The following PDIA6 variants were observed in gnomAD, a reference collection of about 807,000 sequenced individuals.
PDIA6 encodes the protein protein disulfide isomerase family A member 6, also known as protein disulfide-isomerase A6.
PDIA6 carries 29 observed loss-of-function variants against 58.4 expected under a neutral mutation model. The ratio of observed to expected loss-of-function variants is 0.50; its 90% CI spans 0.37 to 0.68. The LOEUF is 0.68. Among genes scored for constraint, PDIA6 ranks in the 30% least tolerant of loss-of-function variants. PDIA6 has a pLI of 0.00. For missense variants in PDIA6, 480 were observed against 551.0 expected (o/e 0.87, Z 1.29); for synonymous variants, 192 against 202.6 (o/e 0.95, Z 0.44).
rs113104675 is a variant in PDIA6 at position 10,787,475 on chromosome 2, CTT to C, written c.999-38_999-37del. On this transcript the variant is annotated intron_variant, in intron 10 of 12. Transcript: ENST00000272227. ...AGACTGGTTTTTAGGGCAAATATGT[CTT>C]TTAAATTGCTTACGATCTAACTAGA... 5,145 of 1,579,870 alleles carry C rather than the reference CTT, an allele frequency of 3.3e-3. 158 individuals carry two copies. The African/African-American group carries it at 0.062, about 19-fold the overall frequency.
At chr2:10,836,992 T>A (rs1475153776), upstream of PDIA6, among the ~76,000 whole-genome samples, 2 of 152,182 alleles carry the variant, frequency 1.3e-5, no homozygotes, top group African/African-American at 4.8e-5. Flanking sequence ...TTCTCATTCA[T>A]GATGGTTAAC....
intron 11 of PDIA6, among the ~76,000 whole-genome samples, chr2:10,786,318 T>C (rs6432145): frequency 0.4 from 54,976 of 136,836 alleles, 10,571 homozygotes; most frequent in African/African-American, 0.54. Flanking sequence ...GTCTCGGGGG[T>C]GGGGGGGAAA....
At chr2:10,816,173 C>T (rs1461803481), upstream of PDIA6, among the ~76,000 whole-genome samples, 1 of 139,984 alleles carries the variant, frequency 7.1e-6, no homozygotes, top group Non-Finnish European at 1.5e-5. Flanking sequence ...ACCTTTGCCT[C>T]CCGGGTTCAA....
chr2:10,832,451 CAGG>C (rs2148584893), exon 1 of PDIA6: 1 of 985,434 alleles, frequency 1.0e-6, no homozygotes, highest in Admixed American at 6.1e-5. Flanking sequence ...AGCACGAGGC[CAGG>C]AGACCTAACC....
At chr2:10,798,564 TC>T (rs376683142) in intron 2 of PDIA6, among the ~76,000 whole-genome samples, 1 of 72,712 alleles carries the variant, frequency 1.4e-5, no homozygotes, top group Admixed American at 1.7e-4. Flanking sequence ...CAAGACTCTG[TC>T]CCCCACCCAA....
At chr2:10,786,940 A>T (rs1180634071) in intron 11 of PDIA6, among the ~76,000 whole-genome samples, 1 of 152,226 alleles carries the variant, frequency 6.6e-6, no homozygotes, top group Non-Finnish European at 1.5e-5. Context: ...ATTACAATGC[A>T]TATGAGGGTG....
rs1182365102 is a variant in PDIA6 at position 10,783,998 on chromosome 2, G to C, written c.*260C>G. On this transcript the variant is annotated 3_prime_UTR_variant, in exon 13 of 13. Transcript: ENST00000272227. ...CAGCAGTCAGAGAGAAAAATGTTTC[G>C]ACAGCCAAGTTTTCTTCAAAATATT... The C allele has an allele frequency of 1.4e-5, 4 of 290,162 alleles. No individual in the cohort carries two copies. Among genetic ancestry groups the C allele is most frequent in the African/African-American group, 2.2e-5 (1 of 45,728 alleles). The allele number at this position is 290,162 out of a possible 1,614,324, so 18.0% of individuals were successfully genotyped here.
At position 10,831,523 on chromosome 2, in the gene PDIA6, G is replaced by A. The variant is rs568282078; in HGVS notation, c.-48+679C>T. On this transcript the variant is annotated intron_variant, in intron 1 of 13. Transcript: ENST00000381611. Reference sequence around the variant, plus strand: ...CATCCTGGGGCAGGGGCAGGTCATCGGTCAGACCTCTGGGTAGCCTGAATG... The same window carrying A: ...CATCCTGGGGCAGGGGCAGGTCATCAGTCAGACCTCTGGGTAGCCTGAATG... Among the ~76,000 whole-genome samples, 17 of 152,260 alleles carry A rather than the reference G, an allele frequency of 1.1e-4. No individual in the cohort carries two copies. In the South Asian group the frequency reaches 2.3e-3, roughly 20 times the overall value.
rs192370381 is a variant in PDIA6 at position 10,809,612 on chromosome 2, C to T, written c.19+3066G>A. Among the ~76,000 whole-genome samples the T allele has an allele frequency of 5.2e-5, 6 of 116,228 alleles. No individual in the cohort carries two copies. In the East Asian group the frequency reaches 1.5e-3, roughly 29 times the overall value. 76.3% of individuals were successfully genotyped at this position (116,228 alleles called of 152,430 possible). A position where few individuals can be genotyped will look rare whatever the true frequency, so the allele number is the denominator to read the frequency against. On this transcript the variant is annotated intron_variant, in intron 1 of 12. Coordinates refer to ENST00000272227, the MANE Select transcript of PDIA6 (RefSeq NM_005742.4). ...TCCAGAGGCTGATGTGGGAGGATTG[C>T]TTGAGCCTGGGAGGCAGAGCAAGAC...
chr2:10,806,650 A>AAAGAAAGAAAGAAAGACAGACAGACAG (rs1553339954), intron 1 of PDIA6, among the ~76,000 whole-genome samples: 12 of 62,986 alleles, frequency 1.9e-4, no homozygotes, highest in Non-Finnish European at 4.0e-4. Context: ...AAGAAAGAAA[A>AAAGAAAGAAAGAAAGACAGACAGACAG]ACGTTACAGT....
At chr2:10,827,836 AT>A (rs149720114) in intron 1 of PDIA6, among the ~76,000 whole-genome samples, 7,275 of 149,524 alleles carry the variant, frequency 0.049, 240 homozygotes, top group Non-Finnish European at 0.07. Context: ...AAAAAAAAAA[AT>A]TTTTTTTTTC....
At chr2:10,790,630 T>G in intron 7 of PDIA6, 89 bp downstream of exon 7, 1 of 891,858 alleles carries the variant, frequency 1.1e-6, no homozygotes, top group Non-Finnish European at 1.8e-6. Context: ...ACATCTCCTT[T>G]ACTACCTCAT....
chr2:10,816,508 A>C (rs1278521633), upstream of PDIA6, among the ~76,000 whole-genome samples: 1 of 132,340 alleles, frequency 7.6e-6, no homozygotes, highest in Non-Finnish European at 1.6e-5. Context: ...CAACATTTTC[A>C]TGCCCTTTTT....
At chr2:10,835,093 G>A (rs1558468906), upstream of PDIA6, among the ~76,000 whole-genome samples, 2 of 152,134 alleles carry the variant, frequency 1.3e-5, no homozygotes, top group Admixed American at 6.5e-5. Flanking sequence ...TCATAGCGTG[G>A]GTTGATGAAC....
chr2:10,819,572 C>T (rs1243977294), intron 1 of PDIA6, among the ~76,000 whole-genome samples: 1 of 152,196 alleles, frequency 6.6e-6, no homozygotes, highest in Non-Finnish European at 1.5e-5. Flanking sequence ...AAGAATGGAA[C>T]ATCCTTCTTT....
At chr2:10,825,644 A>C (rs527700732) in intron 1 of PDIA6, among the ~76,000 whole-genome samples, 1 of 152,364 alleles carries the variant, frequency 6.6e-6, no homozygotes, top group Non-Finnish European at 1.5e-5. Flanking sequence ...AGACAAAAGA[A>C]CCAATTTAAA....
At chr2:10,837,225 C>T (rs1173944158), upstream of PDIA6, among the ~76,000 whole-genome samples, 4 of 152,210 alleles carry the variant, frequency 2.6e-5, no homozygotes, top group East Asian at 3.9e-4. Flanking sequence ...ATGGCGGCCA[C>T]GGCCCCCTTA....
rs1259391599 is a variant in PDIA6 at position 10,802,503 on chromosome 2, G to A, written c.157C>T (p.Pro53Ser). 5 of 1,377,004 alleles carry A rather than the reference G, an allele frequency of 3.6e-6. No individual in the cohort carries two copies. The highest frequency in any genetic ancestry group is 3.0e-5 in the African/African-American group (2 of 67,214). The allele number at this position is 1,377,004 out of a possible 1,614,324, so 85.3% of individuals were successfully genotyped here. Residue 53 changes from proline (P) to serine (S), a missense_variant, in exon 2 of 13, where the codon CCA becomes TCA. By Grantham distance (74) the Pro-to-Ser change is moderately conservative. Transcript: ENST00000272227. Reference protein sequence around the residue: ...DSLWLVEFYAPWCGHCQRLTP... With the variant: ...DSLWLVEFYASWCGHCQRLTP... ...CAACTATTTTATAATACTTACCATG[G>A]AGCATAGAATTCTACAAGCCACAAA...
Position 10,808,641 on chromosome 2 carries a change from C to A in PDIA6, c.19+4037G>T, listed in dbSNP as rs563435939. 2.0e-5 allele frequency among the ~76,000 whole-genome samples: 3 copies of A among 152,172 alleles called. No individual in the cohort carries two copies. In the East Asian group the frequency reaches 5.8e-4, roughly 29 times the overall value. ...CCTTTGATAGGATGATCTCCTTTTC[C>A]ATTTCAAGAGGTGGGAAAGGATGCC... On this transcript the variant is annotated intron_variant, in intron 1 of 12. Coordinates refer to ENST00000272227, the MANE Select transcript of PDIA6 (RefSeq NM_005742.4).
Sources: gnomAD v4.1 joint callset for allele counts (sites outside exome capture counted in the v4.1 genomes callset) on GRCh38, gnomAD v4.1.1 for gene constraint, MANE v1.5 for transcripts, NCBI Gene and HGNC (gene_info 2026-07-23, HGNC 2026-07-21) for gene names.